SLC6A16: variants seen among roughly 807,000 people sequenced by gnomAD.
SLC6A16 encodes the protein orphan sodium- and chloride-dependent neurotransmitter transporter NTT5.
In SLC6A16, 54 loss-of-function variants were observed where a neutral mutation model predicts 65.4. The ratio of observed to expected loss-of-function variants is 0.83; its 90% CI spans 0.66 to 1.04. SLC6A16 has a LOEUF of 1.04. Among genes scored for constraint, SLC6A16 ranks in the 50% least tolerant of loss-of-function variants. The pLI, the probability that SLC6A16 is intolerant of heterozygous loss-of-function variation, is 0.00. For missense variants in SLC6A16, 816 were observed against 914.0 expected, an observed-to-expected ratio of 0.89 and a Z score of 1.38; for synonymous variants, 330 against 346.5, an observed-to-expected ratio of 0.95 and a Z score of 0.53.
At chr19:49,316,453 G>A (rs1259184504) in intron 1 of SLC6A16, among the ~76,000 whole-genome samples, 1 of 152,144 alleles carries the variant, frequency 6.6e-6, no homozygotes, top group Non-Finnish European at 1.5e-5. Flanking sequence ...GGGGATGGGG[G>A]ACAGGGAAAC....
At chr19:49,338,780 C>T in the SLC6A16 span, 28 of 1,613,768 alleles carry the variant, frequency 1.7e-5, no homozygotes, top group African/African-American at 3.6e-4. The surrounding 1 kb of genome is among the most constrained non-coding windows in gnomAD (Gnocchi z 5.0). Flanking sequence ...AGGCGCACCG[C>T]GTGCCCTGCT....
chr19:49,296,590 G>A (rs1970190946), intron 7 of SLC6A16, among the ~76,000 whole-genome samples: 1 of 152,134 alleles, frequency 6.6e-6, no homozygotes, highest in African/African-American at 2.4e-5. Context: ...TATCTAAATA[G>A]AAAAAAATTT....
At chr19:49,329,007 C>T (rs1268482922), upstream of SLC6A16, among the ~76,000 whole-genome samples, 1 of 152,218 alleles carries the variant, frequency 6.6e-6, no homozygotes, top group East Asian at 1.9e-4. Flanking sequence ...TTGACTGCAA[C>T]CTCATAAAAC....
intron 7 of SLC6A16, among the ~76,000 whole-genome samples, chr19:49,297,568 C>T (rs992006965): frequency 5.3e-5 from 8 of 152,142 alleles, no homozygotes; most frequent in African/African-American, 1.9e-4. Context: ...CCCAGTGACC[C>T]AATGATCCTT....
the SLC6A16 span, chr19:49,340,133 C>G: frequency 6.5e-7 from 1 of 1,532,996 alleles, no homozygotes; most frequent in Non-Finnish European, 8.9e-7. Flanking sequence ...ATCCCCTTCT[C>G]CAGCCCCTTC....
chr19:49,310,925 A>C lies in SLC6A16; in HGVS notation c.415+8T>G. The C allele has an allele frequency of 6.2e-7, 1 of 1,604,914 alleles. No homozygotes were observed. ...TGTGGACCCAGGTTTCCTGGTCCCC[A>C]GACTTACAGCCTCCACTGTTAAGCC... On this transcript the variant is annotated splice_region_variant and intron_variant, in intron 2 of 11. Transcript: ENST00000335875.
chr19:49,317,257 C>T (rs1970628122), intron 1 of SLC6A16, among the ~76,000 whole-genome samples: 1 of 152,056 alleles, frequency 6.6e-6, no homozygotes, highest in African/African-American at 2.4e-5. Flanking sequence ...GAGATAATTA[C>T]TTGAATCCAG....
the SLC6A16 span, chr19:49,336,087 G>A: frequency 2.2e-6 from 1 of 463,676 alleles, no homozygotes; most frequent in Non-Finnish European, 3.9e-6. Flanking sequence ...GAAGCCCCTT[G>A]ATGGATGTCA....
At chr19:49,337,762 G>T in the SLC6A16 span, 5 of 1,538,300 alleles carry the variant, frequency 3.3e-6, no homozygotes, top group East Asian at 1.2e-4. Flanking sequence ...TAGAAATAGT[G>T]GAAGAAACAG....
At position 49,293,248 on chromosome 19, in the gene SLC6A16, C is replaced by T. The variant is rs1282181579; in HGVS notation, c.1753G>A (p.Val585Ile). 3.1e-6 allele frequency: 5 copies of T among 1,614,016 alleles called. No homozygotes were observed. Among genetic ancestry groups the T allele is most frequent in the East Asian group, 2.2e-5 (1 of 44,892 alleles). Residue 585 changes from valine to isoleucine, a missense_variant, in exon 10 of 12, where the codon GTA (valine) becomes ATA (isoleucine). By Grantham distance (29) the Val-to-Ile change is conservative. Coordinates refer to ENST00000335875, the MANE Select transcript of SLC6A16 (RefSeq NM_014037.3). ...CTCCTGGCCCCATAGGCCCAGGATA[C>T]AGCCATGGTTTCAAATACGACAACG... ...IVVVVFETMAVSWAYGARRFL... is the reference protein window; with the variant it reads ...IVVVVFETMAISWAYGARRFL...
chr19:49,333,288 C>A, the SLC6A16 span, among the ~76,000 whole-genome samples: 1 of 152,044 alleles, frequency 6.6e-6, no homozygotes, highest in Non-Finnish European at 1.5e-5. Flanking sequence ...GCCTGGCCAA[C>A]ATGGTGAAAC....
Position 49,313,104 on chromosome 19 carries a change from T to C in SLC6A16, c.-64-1693A>G, listed in dbSNP as rs970109263. On this transcript the variant is annotated intron_variant, in intron 1 of 11. Transcript: ENST00000335875. ...AAAAAAAAAAAAAAAAAGACGATGA[T>C]GGCTACAAATATGTTTATATCCTTA... Among the ~76,000 whole-genome samples, 242 of 140,398 alleles carry C rather than the reference T, an allele frequency of 1.7e-3. 1 individual carries two copies. The highest frequency in any genetic ancestry group is 3.1e-3 in the Non-Finnish European group (209 of 67,688). The allele number at this position is 140,398 out of a possible 152,430, so 92.1% of individuals were successfully genotyped here.
At chr19:49,335,610 G>A in the SLC6A16 span, 5 of 1,613,396 alleles carry the variant, frequency 3.1e-6, no homozygotes, top group Non-Finnish European at 4.2e-6. The surrounding 1 kb of genome is among the most constrained non-coding windows in gnomAD (Gnocchi z 4.6). Context: ...CTTCTTCTTC[G>A]TGAGTTGCCT....
chr19:49,295,089 C>T (rs1369375258), intron 7 of SLC6A16, among the ~76,000 whole-genome samples: 3 of 152,056 alleles, frequency 2.0e-5, no homozygotes, highest in Admixed American at 2.0e-4. Flanking sequence ...GCCCATCATA[C>T]CCCATCACAC....
chr19:49,297,580 T>C (rs1970208676), intron 7 of SLC6A16, among the ~76,000 whole-genome samples: 1 of 152,168 alleles, frequency 6.6e-6, no homozygotes, highest in South Asian at 2.1e-4. Context: ...ATGATCCTTC[T>C]CTTAGGTGTT....
intron 7 of SLC6A16, among the ~76,000 whole-genome samples, chr19:49,300,469 A>G (rs1393012573): frequency 6.6e-6 from 1 of 152,256 alleles, no homozygotes; most frequent in Non-Finnish European, 1.5e-5. Context: ...CGATAAATTA[A>G]GAATGCATAT....
Position 49,293,887 on chromosome 19 carries a change from T to C in SLC6A16, c.1558A>G (p.Ile520Val). 4 of 1,614,078 alleles carry C rather than the reference T, an allele frequency of 2.5e-6. No individual in the cohort carries two copies. The highest frequency in any genetic ancestry group is 3.4e-6 in the Non-Finnish European group (4 of 1,180,020). The change falls in exon 9 of 12, where the codon ATC (isoleucine) becomes GTC (valine). Residue 520 changes from isoleucine to valine, a missense_variant. Coordinates refer to ENST00000335875, the MANE Select transcript of SLC6A16 (RefSeq NM_014037.3). Reference protein sequence around the residue: ...LSSAIGIMQGIITPLQDTFSF... With the variant: ...LSSAIGIMQGVITPLQDTFSF... ...AAGGTGTCCTGGAGTGGAGTAATGA[T>C]GCCCTGCATAATCCCTATTGCGCTG...
chr19:49,314,107 A>C (rs1454062608), intron 1 of SLC6A16, among the ~76,000 whole-genome samples: 1 of 10,198 alleles, frequency 9.8e-5, no homozygotes, highest in Non-Finnish European at 1.8e-4. Context: ...AAAAAAAAAA[A>C]ATCATAATCA....
At chr19:49,337,127 C>T in the SLC6A16 span, 6 of 1,614,104 alleles carry the variant, frequency 3.7e-6, no homozygotes, top group Non-Finnish European at 5.1e-6. Context: ...TCAGCCTGAT[C>T]TCTCCACTCT....
Sources: gnomAD v4.1 joint callset for allele counts (sites outside exome capture counted in the v4.1 genomes callset) on GRCh38, gnomAD v4.1.1 for gene constraint, Gnocchi (gnomAD v3.1) non-coding constraint, MANE v1.5 for transcripts, NCBI Gene and HGNC (gene_info 2026-07-23, HGNC 2026-07-21) for gene names.